NPAS3: variants seen among roughly 807,000 people sequenced by gnomAD.
The protein encoded by NPAS3 is neuronal PAS domain-containing protein 3.
A neutral mutation model predicts 73.1 loss-of-function variants in NPAS3; 14 were observed. The ratio of observed to expected loss-of-function variants is 0.19; its 90% CI spans 0.13 to 0.30. The LOEUF is 0.30. Ranked by LOEUF, NPAS3 falls within the 10% of genes least tolerant of loss-of-function variation. NPAS3 has a pLI of 1.00. For synonymous variants in NPAS3, 620 were observed against 541.5 expected, an observed-to-expected ratio of 1.14 and a Z score of -2.01; for missense variants, 1,096 against 1,250.0, an observed-to-expected ratio of 0.88 and a Z score of 1.86.
At chr14:33,558,590 CATATA>C (rs1378000501) in intron 4 of NPAS3, among the ~76,000 whole-genome samples, 2 of 151,710 alleles carry the variant, frequency 1.3e-5, no homozygotes, top group Admixed American at 6.6e-5. Context: ...TACGTACATA[CATATA>C]ATATATGTGT....
intron 4 of NPAS3, among the ~76,000 whole-genome samples, chr14:33,536,907 A>T (rs755957884): frequency 1.2e-4 from 19 of 152,184 alleles, no homozygotes; most frequent in Non-Finnish European, 4.4e-5. Context: ...AATTTTCTAG[A>T]CATTTCACAC....
At chr14:33,443,548 A>T (rs1273141901) in intron 4 of NPAS3, among the ~76,000 whole-genome samples, 1 of 152,080 alleles carries the variant, frequency 6.6e-6, no homozygotes, top group Non-Finnish European at 1.5e-5. Context: ...GGAGGTGCTC[A>T]CCCCCTCCAC....
At chr14:33,246,953 G>T (rs1386720515) in intron 3 of NPAS3, among the ~76,000 whole-genome samples, 1 of 150,546 alleles carries the variant, frequency 6.6e-6, no homozygotes, top group Non-Finnish European at 1.5e-5. Context: ...GGCAGATGTT[G>T]CAGTAAGCCA....
At chr14:33,241,272 C>G (rs2048205759) in intron 3 of NPAS3, among the ~76,000 whole-genome samples, 1 of 151,850 alleles carries the variant, frequency 6.6e-6, no homozygotes, top group Non-Finnish European at 1.5e-5. Flanking sequence ...AAACAAAAAG[C>G]TTTTGTAAAT....
chr14:33,409,191 G>A (rs781196385), intron 4 of NPAS3, among the ~76,000 whole-genome samples: 22 of 152,176 alleles, frequency 1.4e-4, no homozygotes, highest in Admixed American at 4.6e-4. Flanking sequence ...AAGGTTGTGG[G>A]GAGGGGAGTT....
chr14:32,996,292 T>C (rs950548350), intron 1 of NPAS3, among the ~76,000 whole-genome samples: 31 of 152,138 alleles, frequency 2.0e-4, no homozygotes, highest in African/African-American at 6.5e-4. Context: ...AAAAAGAGTA[T>C]AAAAGTTCAG....
intron 2 of NPAS3, among the ~76,000 whole-genome samples, chr14:33,172,011 G>A (rs551338847): frequency 6.6e-6 from 1 of 152,262 alleles, no homozygotes; most frequent in South Asian, 2.1e-4. Context: ...AGTCAGTGGA[G>A]CAGTCAGAAC....
At chr14:32,988,348 C>CTT (rs1261990591) in intron 1 of NPAS3, among the ~76,000 whole-genome samples, 2 of 152,104 alleles carry the variant, frequency 1.3e-5, no homozygotes, top group African/African-American at 4.8e-5. Context: ...CTTTTATCTT[C>CTT]TCAGTAAAAC....
chr14:33,219,089 A>G (rs892794047), intron 3 of NPAS3, among the ~76,000 whole-genome samples: 4 of 152,242 alleles, frequency 2.6e-5, no homozygotes, highest in Non-Finnish European at 5.9e-5. Flanking sequence ...GCGTTATTCA[A>G]GAAATGACCA....
intron 6 of NPAS3, among the ~76,000 whole-genome samples, chr14:33,731,969 T>A (rs1033670043): frequency 2.6e-5 from 4 of 152,184 alleles, no homozygotes; most frequent in African/African-American, 9.7e-5. Context: ...AATCCAGCTT[T>A]ACCCGTAGAT....
chr14:33,065,411 A>G (rs965651495), intron 2 of NPAS3, among the ~76,000 whole-genome samples: 1 of 152,158 alleles, frequency 6.6e-6, no homozygotes, highest in African/African-American at 2.4e-5. Context: ...AGGTTGCTTA[A>G]AAATAATTTT....
chr14:33,734,044 A>C (rs2061463616), intron 6 of NPAS3, among the ~76,000 whole-genome samples: 1 of 152,186 alleles, frequency 6.6e-6, no homozygotes, highest in Non-Finnish European at 1.5e-5. Flanking sequence ...TTCAAATTTA[A>C]AACTTGTTTT....
At position 33,369,177 on chromosome 14, in the gene NPAS3, C is replaced by T. The variant is rs1000503638; in HGVS notation, c.468+1909C>T. Among the ~76,000 whole-genome samples the T allele has an allele frequency of 5.9e-5, 9 of 152,002 alleles. No homozygotes were observed. In the East Asian group the frequency reaches 9.7e-4, roughly 16 times the overall value. On this transcript the variant is annotated intron_variant, in intron 4 of 11. Transcript: ENST00000356141. ...AGGATCTAGAATGGGGCTGCAAGCT[C>T]GTTCCCATTTTGGATGGGTCACATT... is the stretch of plus-strand genomic sequence containing the variant.
At chr14:33,055,488 C>T (rs773051426) in intron 1 of NPAS3, among the ~76,000 whole-genome samples, 2 of 152,164 alleles carry the variant, frequency 1.3e-5, no homozygotes, top group Non-Finnish European at 2.9e-5. Context: ...GGTTTTATAG[C>T]TAATTTACAG....
intron 5 of NPAS3, among the ~76,000 whole-genome samples, chr14:33,596,961 C>G (rs1442397584): frequency 6.6e-6 from 1 of 152,136 alleles, no homozygotes; most frequent in East Asian, 1.9e-4. Flanking sequence ...CCAGGGACAT[C>G]CTGTGATGAA....
At chr14:33,248,847 A>C (rs1482465113) in intron 3 of NPAS3, among the ~76,000 whole-genome samples, 2 of 152,160 alleles carry the variant, frequency 1.3e-5, no homozygotes, top group Admixed American at 6.5e-5. Flanking sequence ...TTCTTACAAA[A>C]CCACAGCCGT....
At chr14:33,586,982 C>T (rs905916098) in intron 5 of NPAS3, among the ~76,000 whole-genome samples, 2 of 152,242 alleles carry the variant, frequency 1.3e-5, no homozygotes, top group Middle Eastern at 3.4e-3. Context: ...CGTGATAATC[C>T]GAGGACCGGC....
intron 3 of NPAS3, among the ~76,000 whole-genome samples, chr14:33,276,502 A>AT (rs1315127635): frequency 1.3e-5 from 2 of 152,046 alleles, no homozygotes; most frequent in African/African-American, 4.8e-5. Flanking sequence ...TAATGAAGTA[A>AT]TTTTTTTAAA....
chr14:33,340,443 C>CA (rs2044420955), intron 3 of NPAS3, among the ~76,000 whole-genome samples: 1 of 152,122 alleles, frequency 6.6e-6, no homozygotes, highest in Non-Finnish European at 1.5e-5. Flanking sequence ...TGCAGTGAGC[C>CA]GAGATCGTGC....
Sources: gnomAD v4.1 joint callset for allele counts (sites outside exome capture counted in the v4.1 genomes callset) on GRCh38, gnomAD v4.1.1 for gene constraint, MANE v1.5 for transcripts, NCBI Gene and HGNC (gene_info 2026-07-23, HGNC 2026-07-21) for gene names.